CTIF: variants seen among roughly 807,000 people sequenced by gnomAD.
The protein encoded by CTIF is cap binding complex dependent translation initiation factor, also known as CBP80/20-dependent translation initiation factor.
Under a neutral mutation model 66.0 loss-of-function variants are expected in CTIF, and 21 were observed. The observed-to-expected ratio is 0.32, with a 90% CI of 0.23 to 0.46. CTIF has a LOEUF of 0.46. Ranked by LOEUF, CTIF falls within the 20% of genes least tolerant of loss-of-function variation. The pLI is 1.00. For synonymous variants in CTIF, 345 were observed against 326.4 expected (o/e 1.06, Z -0.62); for missense variants, 739 against 812.7 (o/e 0.91, Z 1.10).
intron 1 of CTIF, among the ~76,000 whole-genome samples, chr18:48,578,112 A>G (rs1568044969): frequency 6.6e-6 from 1 of 152,120 alleles, no homozygotes; most frequent in Non-Finnish European, 1.5e-5. Context: ...ACTTAGTGTA[A>G]TAGTTTCAAG....
chr18:48,564,160 A>G (rs2089227873), intron 1 of CTIF, among the ~76,000 whole-genome samples: 1 of 152,056 alleles, frequency 6.6e-6, no homozygotes. Flanking sequence ...GGTCCTGTCT[A>G]TCTTAGGGGC....
intron 7 of CTIF, among the ~76,000 whole-genome samples, chr18:48,751,541 C>T (rs1907813165): frequency 6.6e-6 from 1 of 152,204 alleles, no homozygotes; most frequent in Admixed American, 6.5e-5. Context: ...GGTTCTGCCT[C>T]ATCTGAAGGA....
intron 1 of CTIF, among the ~76,000 whole-genome samples, chr18:48,541,021 C>A (rs1046805760): frequency 1.3e-5 from 2 of 152,208 alleles, no homozygotes; most frequent in African/African-American, 4.8e-5. Flanking sequence ...GACTGGGGGT[C>A]CACCCGGCGG....
rs529160472 is a variant in CTIF, at chr18:48,843,008, G to A, written c.1528-14580G>A. On this transcript the variant is annotated intron_variant, in intron 10 of 11. Transcript: ENST00000256413. ...CCCTGCCCTACCCTTCTGCTTGCCCGGGGTCCCAGCCTGGTGGATGTCGGG... is the reference window on the plus strand; with the variant it reads ...CCCTGCCCTACCCTTCTGCTTGCCCAGGGTCCCAGCCTGGTGGATGTCGGG... Among the ~76,000 whole-genome samples, 202 of 152,238 alleles carry A rather than the reference G, an allele frequency of 1.3e-3. 1 individual carries two copies. Among genetic ancestry groups the A allele is most frequent in the African/African-American group, 4.7e-3 (195 of 41,538 alleles).
intron 3 of CTIF, among the ~76,000 whole-genome samples, chr18:48,645,784 C>T (rs142461891): frequency 4.3e-4 from 65 of 152,296 alleles, no homozygotes; most frequent in African/African-American, 1.5e-3. Flanking sequence ...CATGGGGATC[C>T]GGAACTCCCA....
intron 1 of CTIF, among the ~76,000 whole-genome samples, chr18:48,557,802 G>A (rs1287013881): frequency 2.0e-5 from 3 of 152,192 alleles, no homozygotes; most frequent in African/African-American, 7.2e-5. Flanking sequence ...CTCTTGCTGG[G>A]TCCCACACGG....
At chr18:48,846,049 T>C (rs918427639) in intron 10 of CTIF, among the ~76,000 whole-genome samples, 2 of 152,260 alleles carry the variant, frequency 1.3e-5, no homozygotes, top group Non-Finnish European at 2.9e-5. Flanking sequence ...ATTACTATGC[T>C]ACTCTCCAGT....
At chr18:48,677,414 G>A (rs906863590) in intron 6 of CTIF, among the ~76,000 whole-genome samples, 6 of 152,166 alleles carry the variant, frequency 3.9e-5, no homozygotes, top group Non-Finnish European at 8.8e-5. Flanking sequence ...CCATAGACGG[G>A]GACATGGTAT....
intron 9 of CTIF, among the ~76,000 whole-genome samples, chr18:48,795,014 A>G (rs1036327766): frequency 1.3e-5 from 2 of 152,142 alleles, no homozygotes; most frequent in African/African-American, 4.8e-5. Context: ...CTGTGTGAGG[A>G]TTCATGCAGA....
intron 9 of CTIF, among the ~76,000 whole-genome samples, chr18:48,777,614 A>C (rs7242544): frequency 0.083 from 12,689 of 152,258 alleles, 946 homozygotes; most frequent in African/African-American, 0.2. Context: ...ATTCCCTGGG[A>C]ACAGTGCCTG....
At chr18:48,723,842 T>C (rs1247774246) in intron 7 of CTIF, among the ~76,000 whole-genome samples, 2 of 152,232 alleles carry the variant, frequency 1.3e-5, no homozygotes, top group Non-Finnish European at 1.5e-5. Flanking sequence ...TGCATGTGTT[T>C]TGGGGAAGCC....
At chr18:48,653,857 C>G (rs1436569488) in intron 3 of CTIF, among the ~76,000 whole-genome samples, 3 of 152,050 alleles carry the variant, frequency 2.0e-5, no homozygotes, top group African/African-American at 4.8e-5. Flanking sequence ...ACAAACCTGA[C>G]AAAAACAGGA....
intron 1 of CTIF, among the ~76,000 whole-genome samples, chr18:48,603,263 T>C (rs1016683552): frequency 1.4e-5 from 2 of 145,538 alleles, no homozygotes; most frequent in Admixed American, 1.4e-4. Context: ...GATGGATGGA[T>C]GCAGGGCAGG....
At chr18:48,763,982 C>T (rs1209709411) in intron 9 of CTIF, among the ~76,000 whole-genome samples, 4 of 152,182 alleles carry the variant, frequency 2.6e-5, no homozygotes, top group Admixed American at 6.5e-5. Flanking sequence ...CACCTTGTCT[C>T]TGGAGCAGAG....
chr18:48,817,731 G>GC (rs2068397888), intron 10 of CTIF, among the ~76,000 whole-genome samples: 1 of 150,672 alleles, frequency 6.6e-6, no homozygotes, highest in Non-Finnish European at 1.5e-5. Flanking sequence ...AGCCGAGATC[G>GC]CACACTGCAC....
chr18:48,590,664 G>A lies in CTIF; in HGVS notation c.-28-28874G>A, dbSNP rs192061677. Among the ~76,000 whole-genome samples, 3 of 152,328 alleles carry A rather than the reference G, an allele frequency of 2.0e-5. No homozygotes were observed. In the East Asian group the frequency reaches 5.8e-4, roughly 29 times the overall value. Reference sequence around the variant, plus strand: ...CGTTATCAGGGTGGGACTCCCTCCAGGCACCACCTTCGCCAGAGACCAGAA... The same window carrying A: ...CGTTATCAGGGTGGGACTCCCTCCAAGCACCACCTTCGCCAGAGACCAGAA... On this transcript the variant is annotated intron_variant, in intron 1 of 11. Coordinates refer to ENST00000256413, the MANE Select transcript of CTIF (RefSeq NM_014772.3).
intron 6 of CTIF, 103 bp downstream of exon 6, chr18:48,670,847 TC>T: frequency 1.0e-6 from 1 of 1,001,780 alleles, no homozygotes; most frequent in Non-Finnish European, 1.6e-6. Flanking sequence ...GGCTGCTTGT[TC>T]CAGCAAGGAG....
chr18:48,779,156 CT>C (rs1416783393), intron 9 of CTIF, among the ~76,000 whole-genome samples: 1 of 152,156 alleles, frequency 6.6e-6, no homozygotes, highest in African/African-American at 2.4e-5. Context: ...ACTGGTGTCG[CT>C]CATGTCTGGG....
intron 1 of CTIF, among the ~76,000 whole-genome samples, chr18:48,584,890 G>T (rs1360579221): frequency 6.6e-6 from 1 of 152,208 alleles, no homozygotes. Flanking sequence ...AATCTTAAGT[G>T]CACAGCCTGA....
Sources: allele counts gnomAD v4.1 joint callset (sites outside exome capture counted in the v4.1 genomes callset), GRCh38; gene constraint gnomAD v4.1.1; transcripts MANE v1.5; gene names NCBI Gene and HGNC (gene_info 2026-07-23, HGNC 2026-07-21).